MTHFS: variants seen among roughly 807,000 people sequenced by gnomAD.
The protein encoded by MTHFS is methenyltetrahydrofolate synthetase.
MTHFS carries 7 observed loss-of-function variants against 12.7 expected under a neutral mutation model. That is an observed-to-expected ratio of 0.55 (90% CI 0.31 to 1.03). The LOEUF is 1.03. Among genes scored for constraint, MTHFS ranks in the 50% least tolerant of loss-of-function variants. The probability of loss-of-function intolerance (pLI) is 0.05; values close to 1 mark genes in which losing one functional copy is unlikely to be tolerated. For missense variants in MTHFS, 252 were observed against 258.1 expected, an observed-to-expected ratio of 0.98 and a Z score of 0.16; for synonymous variants, 100 against 97.1, an observed-to-expected ratio of 1.03 and a Z score of -0.18.
At chr15:79,851,735 A>G (rs1415446073) in intron 2 of MTHFS, among the ~76,000 whole-genome samples, 1 of 152,230 alleles carries the variant, frequency 6.6e-6, no homozygotes, top group Non-Finnish European at 1.5e-5. Flanking sequence ...GACTCAGCTC[A>G]TAAGAGGTGA....
intron 2 of MTHFS, among the ~76,000 whole-genome samples, chr15:79,847,331 A>G (rs960495972): frequency 6.6e-6 from 1 of 152,154 alleles, no homozygotes; most frequent in African/African-American, 2.4e-5. Flanking sequence ...GGTCAAAGGC[A>G]CAGAGACCCC....
At chr15:79,897,137 GCCC>G, upstream of MTHFS, 1 of 680,790 alleles carries the variant, frequency 1.5e-6, no homozygotes, top group Non-Finnish European at 2.2e-6. Context: ...CGGGACGCGG[GCCC>G]GCGGCGCGCC....
intron 2 of MTHFS, among the ~76,000 whole-genome samples, chr15:79,852,572 T>C (rs553911177): frequency 6.6e-6 from 1 of 152,222 alleles, no homozygotes; most frequent in East Asian, 1.9e-4. Flanking sequence ...GTAGTGAGAA[T>C]CATCTATTAA....
intron 2 of MTHFS, among the ~76,000 whole-genome samples, chr15:79,862,408 C>T (rs1240882362): frequency 1.3e-5 from 2 of 152,184 alleles, no homozygotes; most frequent in African/African-American, 4.8e-5. Context: ...ACTGAACATA[C>T]AGCTCAAAGT....
At chr15:79,858,390 A>G (rs1477712814) in intron 2 of MTHFS, among the ~76,000 whole-genome samples, 1 of 152,248 alleles carries the variant, frequency 6.6e-6, no homozygotes, top group East Asian at 1.9e-4. Context: ...GAGGTGGCCT[A>G]TTGTATCAAC....
chr15:79,874,877 C>T (rs1336799846), intron 2 of MTHFS, among the ~76,000 whole-genome samples: 1 of 152,100 alleles, frequency 6.6e-6, no homozygotes, highest in East Asian at 1.9e-4. Context: ...TCCCTTGTTC[C>T]CTGAACATCG....
intron 2 of MTHFS, among the ~76,000 whole-genome samples, chr15:79,888,346 T>G (rs543287568): frequency 1.3e-5 from 2 of 152,144 alleles, no homozygotes; most frequent in South Asian, 2.1e-4. Context: ...TTAAGGAGGG[T>G]TTACTTCAAT....
At chr15:79,852,095 G>C (rs1024519389) in intron 2 of MTHFS, among the ~76,000 whole-genome samples, 1 of 152,106 alleles carries the variant, frequency 6.6e-6, no homozygotes, top group African/African-American at 2.4e-5. Context: ...AGAGACACAG[G>C]TACTTCCATC....
intron 2 of MTHFS, among the ~76,000 whole-genome samples, chr15:79,886,468 G>A (rs1233530920): frequency 6.6e-6 from 1 of 151,790 alleles, no homozygotes; most frequent in East Asian, 1.9e-4. Flanking sequence ...TTACAATCCA[G>A]ATTGCAAGTA....
At chr15:79,877,248 A>G (rs1443793242) in intron 2 of MTHFS, 1 of 152,106 alleles carries the variant, frequency 6.6e-6, no homozygotes, top group African/African-American at 2.4e-5. Context: ...ATACCAATAT[A>G]CTATACATGG....
At position 79,844,353 on chromosome 15, in the gene MTHFS, G is replaced by A. The variant is rs1053546504; in HGVS notation, c.*857C>T. The A allele has an allele frequency of 6.6e-6, 1 of 152,282 alleles. No individual in the cohort carries two copies. Among genetic ancestry groups the A allele is most frequent in the African/African-American group, 2.4e-5 (1 of 41,430 alleles). 9.4% of individuals were successfully genotyped at this position (152,282 alleles called of 1,614,324 possible). ...TTGAAAGGAGAGAATAGATTTAAGAGGCATTTCAGAGGCAAAATCAACAAG... is the reference window on the plus strand; with the variant it reads ...TTGAAAGGAGAGAATAGATTTAAGAAGCATTTCAGAGGCAAAATCAACAAG... On this transcript the variant is annotated 3_prime_UTR_variant, in exon 3 of 3. Coordinates refer to ENST00000258874, the MANE Select transcript of MTHFS (RefSeq NM_006441.4).
intron 2 of MTHFS, among the ~76,000 whole-genome samples, chr15:79,858,776 C>G (rs535907208): frequency 1.1e-4 from 17 of 152,250 alleles, no homozygotes; most frequent in African/African-American, 4.1e-4. Flanking sequence ...ATCAAAGATG[C>G]AAGTTTCTTA....
upstream of MTHFS, chr15:79,897,116 C>CA (rs2034596574): frequency 4.7e-6 from 4 of 849,806 alleles, no homozygotes; most frequent in South Asian, 5.2e-5. Context: ...GAAGCGCCCC[C>CA]ACCCCGCTTC....
chr15:79,868,925 T>G (rs550649385), intron 2 of MTHFS, among the ~76,000 whole-genome samples: 16 of 152,212 alleles, frequency 1.1e-4, no homozygotes, highest in Non-Finnish European at 2.4e-4. Flanking sequence ...TAAAACTTAT[T>G]GGTTCTGAGA....
intron 2 of MTHFS, among the ~76,000 whole-genome samples, chr15:79,887,967 T>C (rs1047632755): frequency 1.3e-5 from 2 of 152,106 alleles, no homozygotes; most frequent in East Asian, 1.9e-4. Flanking sequence ...ACTGACTTTA[T>C]AGGCTATGGT....
chr15:79,845,161 G>A lies in MTHFS; in HGVS notation c.*49C>T, dbSNP rs1469532905. 6.2e-7 allele frequency: 1 copy of A among 1,601,902 alleles called. No homozygotes were observed. The highest frequency in any genetic ancestry group is 8.5e-7 in the Non-Finnish European group (1 of 1,171,758). ...GACAAGGGAAAAATACACATACTTT[G>A]CTTTACTCTCATATAAAACACTGAT... is the stretch of plus-strand genomic sequence containing the variant. On this transcript the variant is annotated 3_prime_UTR_variant, in exon 3 of 3. Transcript: ENST00000258874.
At position 79,845,306 on chromosome 15, in the gene MTHFS, C is replaced by T. The variant is rs754470226; in HGVS notation, c.516G>A (p.Ala172=). The stretch of plus-strand genomic sequence containing the variant: ...GGCAAATCTGTTCTTTGAAAGCCAA[C>T]GCCAGGGTGTAGGGCTTCACTTCCT... ...QHQEVKPYTL[A]LAFKEQICLQ... The change falls in exon 3 of 3, where the codon GCG becomes GCA. Residue 172 remains alanine, a synonymous_variant. Coordinates refer to ENST00000258874, the MANE Select transcript of MTHFS (RefSeq NM_006441.4). 9.9e-6 allele frequency: 16 copies of T among 1,614,020 alleles called. No individual in the cohort carries two copies. Among genetic ancestry groups the T allele is most frequent in the South Asian group, 6.6e-5 (6 of 91,076 alleles).
intron 1 of MTHFS, among the ~76,000 whole-genome samples, chr15:79,892,602 T>A (rs1464055016): frequency 6.6e-6 from 1 of 152,324 alleles, no homozygotes; most frequent in South Asian, 2.1e-4. Context: ...CATAAAGTTA[T>A]GTCTTTTCTT....
At chr15:79,879,587 T>C (rs1236518684) in intron 2 of MTHFS, among the ~76,000 whole-genome samples, 1 of 152,190 alleles carries the variant, frequency 6.6e-6, no homozygotes. Context: ...GTTTGTATGT[T>C]TATATGTTTG....
Sources: gnomAD v4.1 joint callset for allele counts (sites outside exome capture counted in the v4.1 genomes callset) on GRCh38, gnomAD v4.1.1 for gene constraint, MANE v1.5 for transcripts, NCBI Gene and HGNC (gene_info 2026-07-23, HGNC 2026-07-21) for gene names.